Variants in ANKS1B observed in about 807,000 individuals in gnomAD.
ANKS1B encodes ankyrin repeat and sterile alpha motif domain containing 1B.
A neutral mutation model predicts 148.3 loss-of-function variants in ANKS1B; 36 were observed. That is an observed-to-expected ratio of 0.24 (90% CI 0.19 to 0.32). The LOEUF (loss-of-function observed/expected upper bound fraction) is 0.32, where lower values mean the gene tolerates loss of function less well. Among genes scored for constraint, ANKS1B ranks in the 10% least tolerant of loss-of-function variants. The pLI, the probability that ANKS1B is intolerant of heterozygous loss-of-function variation, is 1.00. For missense variants in ANKS1B, 1,157 were observed against 1,542.6 expected (o/e 0.75, Z 4.19); for synonymous variants, 542 against 560.8 (o/e 0.97, Z 0.47).
At chr12:99,041,936 G>A (rs2099959288) in intron 17 of ANKS1B, among the ~76,000 whole-genome samples, 1 of 152,102 alleles carries the variant, frequency 6.6e-6, no homozygotes, top group African/African-American at 2.4e-5. Flanking sequence ...GGAAGGTTGA[G>A]GATGCAGTGA....
chr12:99,324,930 G>A (rs1453833441), intron 12 of ANKS1B, among the ~76,000 whole-genome samples: 2 of 152,036 alleles, frequency 1.3e-5, no homozygotes, highest in African/African-American at 2.4e-5. Context: ...TTTTGGAGAA[G>A]AATCTTCAGA....
intron 16 of ANKS1B, among the ~76,000 whole-genome samples, chr12:99,053,946 T>C (rs2099967873): frequency 6.6e-6 from 1 of 152,236 alleles, no homozygotes; most frequent in African/African-American, 2.4e-5. Flanking sequence ...GTCAGCTATA[T>C]ACAGATTTTT....
intron 1 of ANKS1B, among the ~76,000 whole-genome samples, chr12:99,874,800 T>A (rs1021888945): frequency 3.3e-5 from 5 of 152,210 alleles, no homozygotes; most frequent in Admixed American, 6.5e-5. Context: ...GAGTTTCAAT[T>A]TCCTTTTCAA....
chr12:99,276,529 G>A (rs151057138), intron 12 of ANKS1B, among the ~76,000 whole-genome samples: 24 of 152,138 alleles, frequency 1.6e-4, no homozygotes, highest in African/African-American at 3.4e-4. Context: ...GCAAGAGGGT[G>A]AGCATCTCTC....
intron 10 of ANKS1B, among the ~76,000 whole-genome samples, chr12:99,451,569 G>A (rs1393563955): frequency 1.3e-5 from 2 of 152,198 alleles, no homozygotes; most frequent in Non-Finnish European, 2.9e-5. Flanking sequence ...AGATGGGAAA[G>A]AGGCACATTT....
chr12:99,047,630 G>A (rs2099963375), intron 17 of ANKS1B, among the ~76,000 whole-genome samples: 1 of 152,170 alleles, frequency 6.6e-6, no homozygotes, highest in South Asian at 2.1e-4. Flanking sequence ...CAACAAAATG[G>A]CGGCAGGTTT....
intron 14 of ANKS1B, among the ~76,000 whole-genome samples, chr12:99,237,865 C>T (rs1485191165): frequency 6.6e-6 from 1 of 152,220 alleles, no homozygotes; most frequent in Non-Finnish European, 1.5e-5. Flanking sequence ...AATCCTTTGG[C>T]CTCAGCCTCC....
intron 14 of ANKS1B, among the ~76,000 whole-genome samples, chr12:99,228,578 T>C (rs1341796298): frequency 6.6e-6 from 1 of 152,008 alleles, no homozygotes. Flanking sequence ...GGTAAAATGG[T>C]ATGTGAAAGT....
intron 8 of ANKS1B, among the ~76,000 whole-genome samples, chr12:99,657,432 G>A (rs1357314467): frequency 2.0e-5 from 3 of 152,002 alleles, no homozygotes; most frequent in Non-Finnish European, 4.4e-5. Context: ...TGGTGAATAC[G>A]TTTCTGTTAC....
chr12:99,638,797 C>T (rs957776577), intron 9 of ANKS1B, among the ~76,000 whole-genome samples: 5 of 152,178 alleles, frequency 3.3e-5, no homozygotes, highest in African/African-American at 9.7e-5. Flanking sequence ...AGGGAAAATA[C>T]GGTTTCCTGA....
At chr12:99,912,795 C>G (rs1157680589) in intron 1 of ANKS1B, among the ~76,000 whole-genome samples, 3 of 152,122 alleles carry the variant, frequency 2.0e-5, no homozygotes, top group Non-Finnish European at 4.4e-5. Flanking sequence ...TCTCTGTACT[C>G]TATTCATGAA....
At chr12:98,844,430 C>T (rs1291369270) in intron 17 of ANKS1B, among the ~76,000 whole-genome samples, 2 of 152,208 alleles carry the variant, frequency 1.3e-5, no homozygotes, top group South Asian at 2.1e-4. Context: ...AGCAGCCAGC[C>T]ATGCACCTTT....
intron 1 of ANKS1B, among the ~76,000 whole-genome samples, chr12:99,942,100 G>A (rs1290070347): frequency 2.6e-5 from 4 of 152,118 alleles, no homozygotes. Flanking sequence ...GGTGAAACAT[G>A]TAGAACCTTG....
intron 8 of ANKS1B, among the ~76,000 whole-genome samples, chr12:99,674,906 T>C (rs1398413623): frequency 6.6e-6 from 1 of 151,838 alleles, no homozygotes; most frequent in Non-Finnish European, 1.5e-5. Flanking sequence ...AAAGACTCTA[T>C]ATACCAGTAA....
At chr12:99,521,976 T>C (rs1383982662) in intron 9 of ANKS1B, among the ~76,000 whole-genome samples, 1 of 152,170 alleles carries the variant, frequency 6.6e-6, no homozygotes, top group African/African-American at 2.4e-5. Flanking sequence ...GGGCGGGAAG[T>C]TCCCCTAGGT....
intron 17 of ANKS1B, among the ~76,000 whole-genome samples, chr12:98,862,027 T>G (rs2099601715): frequency 6.6e-6 from 1 of 152,078 alleles, no homozygotes; most frequent in African/African-American, 2.4e-5. Context: ...TTTTCTTTCT[T>G]TTTAAAAATT....
intron 10 of ANKS1B, among the ~76,000 whole-genome samples, chr12:99,481,578 T>C (rs982071469): frequency 1.8e-4 from 28 of 151,726 alleles, no homozygotes; most frequent in Non-Finnish European, 3.2e-4. Flanking sequence ...GCTGTATCCA[T>C]TGGTAGATCT....
intron 15 of ANKS1B, among the ~76,000 whole-genome samples, chr12:99,109,358 G>A (rs891217971): frequency 6.6e-6 from 1 of 152,136 alleles, no homozygotes; most frequent in African/African-American, 2.4e-5. Context: ...TGAATGGGTG[G>A]GCTTTCATTA....
At chr12:99,149,744 T>C (rs527840199) in intron 15 of ANKS1B, among the ~76,000 whole-genome samples, 1 of 152,286 alleles carries the variant, frequency 6.6e-6, no homozygotes, top group East Asian at 1.9e-4. Flanking sequence ...ACATTGCCAG[T>C]GTTTTGATAT....
Sources: allele counts gnomAD v4.1 joint callset (sites outside exome capture counted in the v4.1 genomes callset), GRCh38; gene constraint gnomAD v4.1.1; transcripts MANE v1.5; gene names NCBI Gene and HGNC (gene_info 2026-07-23, HGNC 2026-07-21).